CD2AP: variants seen among roughly 807,000 people sequenced by gnomAD.
The protein encoded by CD2AP is CD2-associated protein.
In CD2AP, 46 loss-of-function variants were observed where a neutral mutation model predicts 85.1. The observed-to-expected ratio is 0.54, with a 90% CI of 0.43 to 0.69. The LOEUF is 0.69. CD2AP is among the 30% of genes least tolerant of loss of function. The pLI is 0.00. For synonymous variants in CD2AP, 255 were observed against 252.9 expected (o/e 1.01, Z -0.08); for missense variants, 769 against 729.5 (o/e 1.05, Z -0.62).
intron 2 of CD2AP, among the ~76,000 whole-genome samples, chr6:47,524,738 C>T (rs1766678571): frequency 6.6e-6 from 1 of 151,996 alleles, no homozygotes; most frequent in Non-Finnish European, 1.5e-5. Flanking sequence ...TTTGCCTTCT[C>T]TGAATACAGG....
chr6:47,528,305 G>A (rs1366239620), intron 2 of CD2AP, among the ~76,000 whole-genome samples: 1 of 152,110 alleles, frequency 6.6e-6, no homozygotes, highest in African/African-American at 2.4e-5. Context: ...CTCCCAAGGA[G>A]CTGGGGTTAC....
chr6:47,496,880 G>A (rs992539759), intron 1 of CD2AP, among the ~76,000 whole-genome samples: 3 of 152,068 alleles, frequency 2.0e-5, no homozygotes, highest in Non-Finnish European at 4.4e-5. Flanking sequence ...CATAGTAAGG[G>A]TTTATACTTT....
chr6:47,534,735 G>A (rs372101571), intron 3 of CD2AP, among the ~76,000 whole-genome samples: 2 of 151,920 alleles, frequency 1.3e-5, no homozygotes, highest in East Asian at 3.9e-4. Flanking sequence ...AAAGAATTAC[G>A]GTGTTATGGG....
In CD2AP at chr6:47,502,637, G is replaced by A. The variant is rs542364707; in HGVS notation, c.5-643G>A. Among the ~76,000 whole-genome samples, 10 of 152,164 alleles carry A rather than the reference G, an allele frequency of 6.6e-5. No homozygotes were observed. The South Asian group carries it at 1.5e-3, about 22-fold the overall frequency. On this transcript the variant is annotated intron_variant, in intron 1 of 17. Transcript: ENST00000359314. ...GCCTCCCGAGTAGCTGGGATTACTGGCGCCCACCACCATGCCGGGCTAATT... is the reference window on the plus strand; with the variant it reads ...GCCTCCCGAGTAGCTGGGATTACTGACGCCCACCACCATGCCGGGCTAATT...
At chr6:47,544,858 A>G in intron 4 of CD2AP, 152 bp downstream of exon 4, 3 of 593,704 alleles carry the variant, frequency 5.1e-6, no homozygotes, top group Non-Finnish European at 5.9e-6. Flanking sequence ...TCCTTGCTGT[A>G]TTTATATATG....
intron 4 of CD2AP, among the ~76,000 whole-genome samples, chr6:47,551,612 A>G (rs1245165089): frequency 2.0e-5 from 3 of 152,200 alleles, no homozygotes; most frequent in African/African-American, 7.2e-5. Flanking sequence ...TGTTTTAGTT[A>G]CTGTTGTTGC....
chr6:47,494,798 G>C (rs942728201), intron 1 of CD2AP, among the ~76,000 whole-genome samples: 1 of 152,124 alleles, frequency 6.6e-6, no homozygotes, highest in Non-Finnish European at 1.5e-5. Context: ...GTACTGGATT[G>C]AATTTTTATC....
At chr6:47,613,437 T>A (rs552584948) in intron 17 of CD2AP, among the ~76,000 whole-genome samples, 8 of 152,148 alleles carry the variant, frequency 5.3e-5, no homozygotes, top group Non-Finnish European at 1.0e-4. Context: ...TTAATCTCCT[T>A]GTTCATTTCC....
chr6:47,600,227 A>G (rs1278593270), intron 13 of CD2AP, among the ~76,000 whole-genome samples: 1 of 151,928 alleles, frequency 6.6e-6, no homozygotes, highest in African/African-American at 2.4e-5. Context: ...AGTAAGCTAC[A>G]GACACATTAA....
chr6:47,571,359 C>T (rs1314337643), intron 5 of CD2AP, among the ~76,000 whole-genome samples: 1 of 152,056 alleles, frequency 6.6e-6, no homozygotes, highest in East Asian at 1.9e-4. Context: ...GTAGACTGCA[C>T]AGGACTGGTA....
intron 11 of CD2AP, among the ~76,000 whole-genome samples, chr6:47,583,405 T>C (rs1173597042): frequency 6.6e-6 from 1 of 152,226 alleles, no homozygotes; most frequent in African/African-American, 2.4e-5. Context: ...CTAAAAACCT[T>C]CTTTATTCTA....
rs931542976 is a variant in CD2AP, at chr6:47,478,724, CT to C, written c.4+487del. 1.4e-3 allele frequency among the ~76,000 whole-genome samples: 209 copies of C among 148,554 alleles called. 1 individual carries two copies. The East Asian group carries it at 0.027, about 19-fold the overall frequency. ...GGAGAGAGATAAATTTGTTCAAAAACTTTTTTTTTTTCCTGCTGAAACTCGC... is the reference window on the plus strand; with the variant it reads ...GGAGAGAGATAAATTTGTTCAAAAACTTTTTTTTTTCCTGCTGAAACTCGC... On this transcript the variant is annotated intron_variant, in intron 1 of 17. Coordinates refer to ENST00000359314, the MANE Select transcript of CD2AP (RefSeq NM_012120.3).
intron 5 of CD2AP, among the ~76,000 whole-genome samples, chr6:47,566,433 T>C (rs977037390): frequency 2.6e-5 from 4 of 151,700 alleles, no homozygotes; most frequent in African/African-American, 9.7e-5. Flanking sequence ...TTGTGGTATA[T>C]GTAGAACTTT....
chr6:47,530,091 A>T (rs188881568), intron 2 of CD2AP, among the ~76,000 whole-genome samples: 46 of 152,296 alleles, frequency 3.0e-4, no homozygotes, highest in Admixed American at 5.2e-4. Flanking sequence ...TTTCTCTGAG[A>T]AGTCATCCCG....
At chr6:47,579,579 A>G in intron 9 of CD2AP, 90 bp downstream of exon 9, 1 of 797,872 alleles carries the variant, frequency 1.3e-6, no homozygotes, top group Non-Finnish European at 2.1e-6. Context: ...TTATTATTGA[A>G]TAATTTTTAT....
At chr6:47,571,198 C>A (rs1768141718) in intron 5 of CD2AP, among the ~76,000 whole-genome samples, 2 of 152,032 alleles carry the variant, frequency 1.3e-5, no homozygotes, top group African/African-American at 4.8e-5. Flanking sequence ...CAGAATATTG[C>A]TTTGTCCAAC....
intron 13 of CD2AP, among the ~76,000 whole-genome samples, chr6:47,599,749 T>G (rs978279325): frequency 6.6e-6 from 1 of 152,064 alleles, no homozygotes; most frequent in African/African-American, 2.4e-5. Context: ...CCAACGGAGA[T>G]ATGAATACAC....
intron 11 of CD2AP, among the ~76,000 whole-genome samples, chr6:47,590,435 T>TA (rs1208815338): frequency 6.6e-6 from 1 of 151,702 alleles, no homozygotes; most frequent in Non-Finnish European, 1.5e-5. Flanking sequence ...AGATAGAAAA[T>TA]ATGGAAAAGA....
chr6:47,480,632 A>G (rs1765418194), intron 1 of CD2AP, among the ~76,000 whole-genome samples: 1 of 152,176 alleles, frequency 6.6e-6, no homozygotes, highest in Non-Finnish European at 1.5e-5. Flanking sequence ...TGTTAGGAGG[A>G]TTGAATGAGT....
Sources: gnomAD v4.1 joint callset for allele counts (sites outside exome capture counted in the v4.1 genomes callset) on GRCh38, gnomAD v4.1.1 for gene constraint, MANE v1.5 for transcripts, NCBI Gene and HGNC (gene_info 2026-07-23, HGNC 2026-07-21) for gene names.